Variants in SYT7 observed in about 807,000 individuals in gnomAD.
The protein encoded by SYT7 is synaptotagmin 7.
A neutral mutation model predicts 75.1 loss-of-function variants in SYT7; 29 were observed. The ratio of observed to expected loss-of-function variants is 0.39; its 90% CI spans 0.29 to 0.53. The LOEUF is 0.53. Ranked by LOEUF, SYT7 falls within the 20% of genes least tolerant of loss-of-function variation. SYT7 has a pLI of 0.77. For missense variants in SYT7, 693 were observed against 953.2 expected (o/e 0.73, Z 3.59); for synonymous variants, 376 against 401.7 (o/e 0.94, Z 0.76).
Position 61,542,102 on chromosome 11 carries a change from G to C in SYT7, c.941+109C>G, listed in dbSNP as rs1251315959. 17 of 1,397,274 alleles carry C rather than the reference G, an allele frequency of 1.2e-5. No individual in the cohort carries two copies. The highest frequency in any genetic ancestry group is 1.5e-5 in the Non-Finnish European group (16 of 1,062,134). 86.6% of individuals were successfully genotyped at this position (1,397,274 alleles called of 1,614,324 possible). On this transcript the variant is annotated intron_variant, in intron 6 of 12. Transcript: ENST00000539008. This position sits in a 1 kb window ranked among gnomAD's most constrained non-coding sequence, Gnocchi z 7.8. ...CAAGTCTGCTTGGCACCCTGCCAAG[G>C]GGATGGAGGGCCGGGAGGTACACAC...
At position 61,514,312 on chromosome 11, in the gene SYT7, G is replaced by T. The variant is rs956502434; in HGVS notation, c.*4315C>A. Among the ~76,000 whole-genome samples the T allele has an allele frequency of 3.9e-5, 6 of 152,178 alleles. No individual in the cohort carries two copies. Among genetic ancestry groups the T allele is most frequent in the East Asian group, 1.9e-4 (1 of 5,198 alleles). On this transcript the variant is annotated 3_prime_UTR_variant, in exon 13 of 13. Coordinates refer to ENST00000539008, the MANE Select transcript of SYT7 (RefSeq NM_001365809.2). ...ACCCCGGGGCTTCCTCTGATCTCTG[G>T]AACAGAGATCAGAAGTGATATCTAA...
intron 5 of SYT7, among the ~76,000 whole-genome samples, chr11:61,543,878 A>C (rs751486688): frequency 2.6e-5 from 4 of 152,072 alleles, no homozygotes; most frequent in Non-Finnish European, 5.9e-5. Flanking sequence ...TGGGTGAATC[A>C]TTTCTCATCT....
chr11:61,550,934 C>G (rs761307631), intron 3 of SYT7, among the ~76,000 whole-genome samples: 2 of 152,180 alleles, frequency 1.3e-5, no homozygotes, highest in Non-Finnish European at 2.9e-5. Context: ...TCTGCCTCCC[C>G]ACTTCCAGGT....
intron 8 of SYT7, 44 bp from the exon 9 acceptor site, chr11:61,528,229 C>T: frequency 6.3e-7 from 1 of 1,594,762 alleles, no homozygotes; most frequent in Non-Finnish European, 8.5e-7. Flanking sequence ...GAGGATTCTG[C>T]TTCCCCCATG....
In SYT7 at chr11:61,523,839, C is replaced by T. The variant is rs778632328; in HGVS notation, c.1744G>A (p.Gly582Arg). The T allele has an allele frequency of 4.3e-6, 7 of 1,613,844 alleles. No individual in the cohort carries two copies. The highest frequency in any genetic ancestry group is 2.2e-5 in the East Asian group (1 of 44,866). Residue 582 changes from glycine (G) to arginine (R), a missense_variant, in exon 11 of 13, where the codon GGG (glycine) becomes AGG (arginine). Gly to Arg is a moderately radical substitution (Grantham distance 125). Coordinates refer to ENST00000539008, the MANE Select transcript of SYT7 (RefSeq NM_001365809.2). The surrounding 1 kb of genome is among the most constrained non-coding windows in gnomAD (Gnocchi z 5.0). ...AGAAGCCCCGTACCTGATGTGCCCC[C>T]GATGTCCATGGCTTTGAGGTTCCGG... ...KARNLKAMDI[G>R]GTSDPYVKVW...
intron 12 of SYT7, among the ~76,000 whole-genome samples, chr11:61,521,002 G>A (rs1261951450): frequency 6.6e-6 from 1 of 152,224 alleles, no homozygotes; most frequent in Non-Finnish European, 1.5e-5. Context: ...ACAGTGGCCT[G>A]CCTCTGTGTG....
chr11:61,551,485 C>T lies in SYT7; in HGVS notation c.136-22G>A, dbSNP rs2135312689. The T allele has an allele frequency of 6.2e-7, 1 of 1,612,220 alleles. No homozygotes were observed. The highest frequency in any genetic ancestry group is 1.3e-5 in the African/African-American group (1 of 75,004). On this transcript the variant is annotated intron_variant, in intron 2 of 12. Transcript: ENST00000539008. This position sits in a 1 kb window ranked among gnomAD's most constrained non-coding sequence, Gnocchi z 5.3. ...TGCCCTGTGGAGATAGCACTAGGAT[C>T]ACTCCTGGGGAACAGGACTGTACCC...
chr11:61,543,813 C>T (rs1039926659), intron 5 of SYT7, among the ~76,000 whole-genome samples: 1 of 152,240 alleles, frequency 6.6e-6, no homozygotes, highest in African/African-American at 2.4e-5. Context: ...GGGCCAGAGC[C>T]AGGCTGCCCC....
upstream of SYT7, among the ~76,000 whole-genome samples, chr11:61,582,071 C>T (rs550082133): frequency 5.3e-5 from 8 of 151,272 alleles, no homozygotes; most frequent in Non-Finnish European, 1.2e-4. Flanking sequence ...CACCTACACA[C>T]GTAATCACCT....
chr11:61,558,209 C>T (rs1170034857), intron 1 of SYT7, among the ~76,000 whole-genome samples: 2 of 152,280 alleles, frequency 1.3e-5, no homozygotes, highest in Middle Eastern at 3.4e-3. Flanking sequence ...GTAATCCCAG[C>T]ACTTTGGGAG....
chr11:61,547,409 G>T, intron 3 of SYT7, 101 bp from the exon 4 acceptor site: 1 of 1,375,620 alleles, frequency 7.3e-7, no homozygotes, highest in Non-Finnish European at 9.8e-7. Context: ...CCGGGGCCGG[G>T]CACACAGTGG....
intron 1 of SYT7, among the ~76,000 whole-genome samples, chr11:61,558,105 C>A (rs762173986): frequency 6.6e-6 from 1 of 152,208 alleles, no homozygotes; most frequent in Non-Finnish European, 1.5e-5. Context: ...GTTTAACTCA[C>A]TTTGAAATAA....
Position 61,580,219 on chromosome 11 carries a change from C to T in SYT7, c.31+571G>A, listed in dbSNP as rs1191680614. Among the ~76,000 whole-genome samples, 1 of 151,864 alleles carries T rather than the reference C, an allele frequency of 6.6e-6. No individual in the cohort carries two copies. The highest frequency in any genetic ancestry group is 1.5e-5 in the Non-Finnish European group (1 of 67,950). On this transcript the variant is annotated intron_variant, in intron 1 of 12. Coordinates refer to ENST00000539008, the MANE Select transcript of SYT7 (RefSeq NM_001365809.2). This position sits in a 1 kb window ranked among gnomAD's most constrained non-coding sequence, Gnocchi z 6.1. ...CCCCTGCTCTCTTTCCCTTCAGGCA[C>T]CCCCGTCTCACCCATCAACGCCCCT...
chr11:61,530,701 G>A lies in SYT7; in HGVS notation c.1200+2288C>T, dbSNP rs1045438243. ...CTCAGCCCCACCTGAGGTCCCTCTG[G>A]TCCCTTGGCTCCTGGCTGCCAAACA... On this transcript the variant is annotated intron_variant, in intron 8 of 12. Transcript: ENST00000539008. 4.1e-6 allele frequency: 3 copies of A among 739,552 alleles called. No individual in the cohort carries two copies. In the African/African-American group the frequency reaches 5.7e-5, roughly 14 times the overall value. 45.8% of individuals were successfully genotyped at this position (739,552 alleles called of 1,614,324 possible).
chr11:61,548,916 TCAAAGC>T (rs1039708189), intron 3 of SYT7, among the ~76,000 whole-genome samples: 45 of 152,198 alleles, frequency 3.0e-4, no homozygotes, highest in Non-Finnish European at 4.6e-4. Flanking sequence ...TGTACAGGGT[TCAAAGC>T]CAAAGCGTAG....
intron 5 of SYT7, among the ~76,000 whole-genome samples, 166 bp downstream of exon 5, chr11:61,545,865 C>T (rs939199945): frequency 1.3e-5 from 2 of 152,224 alleles, no homozygotes; most frequent in Admixed American, 6.5e-5. Flanking sequence ...TTCGTCGTGC[C>T]AGATGGCAAG....
Position 61,523,311 on chromosome 11 carries a change from G to C in SYT7, c.1757-37C>G, listed in dbSNP as rs199608170. On this transcript the variant is annotated intron_variant, in intron 11 of 12. Transcript: ENST00000539008. This position sits in a 1 kb window ranked among gnomAD's most constrained non-coding sequence, Gnocchi z 5.0. ...AGTGGGGAAGGGTTAGAGGGACCGT[G>C]GGGGAGGGACTTCCTAGGATCCTTT... The C allele has an allele frequency of 5.0e-5, 79 of 1,589,330 alleles. No individual in the cohort carries two copies. Among genetic ancestry groups the C allele is most frequent in the African/African-American group, 1.5e-4 (11 of 74,486 alleles).
chr11:61,556,650 G>A (rs1165463295), intron 1 of SYT7, among the ~76,000 whole-genome samples: 2 of 152,330 alleles, frequency 1.3e-5, no homozygotes, highest in East Asian at 1.9e-4. Flanking sequence ...CACACTCTGA[G>A]TTGCAACTCT....
intron 12 of SYT7, among the ~76,000 whole-genome samples, chr11:61,522,555 A>G (rs1415002603): frequency 6.6e-6 from 1 of 152,200 alleles, no homozygotes; most frequent in Non-Finnish European, 1.5e-5. Flanking sequence ...AAAGTTCTAC[A>G]GGGACAGTAT....
Sources: gnomAD v4.1 joint callset for allele counts (sites outside exome capture counted in the v4.1 genomes callset) on GRCh38, gnomAD v4.1.1 for gene constraint, Gnocchi (gnomAD v3.1) non-coding constraint, MANE v1.5 for transcripts, NCBI Gene and HGNC (gene_info 2026-07-23, HGNC 2026-07-21) for gene names.